The following PAK5 variants were observed in gnomAD, a reference collection of about 807,000 sequenced individuals.
PAK5 encodes p21 (RAC1) activated kinase 5.
PAK5 carries 16 observed loss-of-function variants against 65.9 expected under a neutral mutation model. That is an observed-to-expected ratio of 0.24 (90% CI 0.16 to 0.37). PAK5 has a LOEUF of 0.37. Ranked by LOEUF, PAK5 falls within the 10% of genes least tolerant of loss-of-function variation. The pLI, the probability that PAK5 is intolerant of heterozygous loss-of-function variation, is 1.00. For missense variants in PAK5, 785 were observed against 903.9 expected (o/e 0.87, Z 1.69); for synonymous variants, 371 against 354.9 (o/e 1.05, Z -0.51).
chr20:9,646,912 C>G (rs1488203936), intron 2 of PAK5, among the ~76,000 whole-genome samples: 2 of 152,204 alleles, frequency 1.3e-5, no homozygotes, highest in African/African-American at 4.8e-5. Context: ...CAGCAGCTAT[C>G]CACATGAGTG....
intron 1 of PAK5, among the ~76,000 whole-genome samples, chr20:9,742,562 G>A (rs535421754): frequency 6.6e-6 from 1 of 152,228 alleles, no homozygotes; most frequent in South Asian, 2.1e-4. Context: ...TGTTCAAACT[G>A]CAGACATTCC....
At chr20:9,717,276 C>T (rs532388747) in intron 1 of PAK5, among the ~76,000 whole-genome samples, 1 of 152,110 alleles carries the variant, frequency 6.6e-6, no homozygotes, top group Non-Finnish European at 1.5e-5. Context: ...CTGGCTCCAC[C>T]TTTTACTAGC....
At chr20:9,652,047 G>A (rs1348870108) in intron 2 of PAK5, among the ~76,000 whole-genome samples, 14 of 152,298 alleles carry the variant, frequency 9.2e-5, no homozygotes, top group African/African-American at 1.9e-4. Flanking sequence ...ACTCCCTCAC[G>A]AAGAGAGATT....
At chr20:9,672,355 T>G (rs1315983440) in intron 2 of PAK5, among the ~76,000 whole-genome samples, 1 of 148,726 alleles carries the variant, frequency 6.7e-6, no homozygotes, top group African/African-American at 2.5e-5. Context: ...CTCAGTGATA[T>G]AGTTTGGCTG....
chr20:9,816,162 C>T (rs1313289995), intron 1 of PAK5, among the ~76,000 whole-genome samples: 1 of 152,038 alleles, frequency 6.6e-6, no homozygotes. Context: ...CAGTTTTGTC[C>T]TCTGAAATAT....
chr20:9,573,885 T>C (rs190454781), intron 4 of PAK5, among the ~76,000 whole-genome samples: 3 of 152,220 alleles, frequency 2.0e-5, no homozygotes, highest in Admixed American at 2.0e-4. Context: ...CCAATACACC[T>C]TTTCAGAGCA....
chr20:9,715,615 T>C (rs1384052475), intron 1 of PAK5, among the ~76,000 whole-genome samples: 2 of 152,008 alleles, frequency 1.3e-5, no homozygotes, highest in African/African-American at 4.8e-5. Context: ...ATTGCGGCAC[T>C]ATTCACAATA....
intron 1 of PAK5, among the ~76,000 whole-genome samples, chr20:9,762,217 A>G (rs1415109495): frequency 2.6e-5 from 4 of 152,166 alleles, no homozygotes; most frequent in Non-Finnish European, 5.9e-5. Flanking sequence ...AAATTTTTGG[A>G]TATAGCACCC....
intron 2 of PAK5, among the ~76,000 whole-genome samples, chr20:9,708,369 T>C (rs767767566): frequency 3.9e-5 from 6 of 152,254 alleles, no homozygotes; most frequent in East Asian, 1.9e-4. Context: ...TTCTGCAAGA[T>C]TGTGGTGATT....
intron 5 of PAK5, 110 bp downstream of exon 5, chr20:9,565,783 T>G (rs2045665372): frequency 1.1e-5 from 13 of 1,155,352 alleles, no homozygotes; most frequent in Non-Finnish European, 1.6e-5. Context: ...ATTTTTGTCT[T>G]TATATTTTCA....
chr20:9,605,133 A>G lies in PAK5; in HGVS notation c.205-24203T>C, dbSNP rs180810745. 3.3e-5 allele frequency among the ~76,000 whole-genome samples: 5 copies of G among 152,360 alleles called. No individual in the cohort carries two copies. The East Asian group carries it at 9.6e-4, about 29-fold the overall frequency. On this transcript the variant is annotated intron_variant, in intron 3 of 9. Coordinates refer to ENST00000353224, the MANE Select transcript of PAK5 (RefSeq NM_177990.4). ...GTGGGCAACTGGGCCTCTGTGCTGC[A>G]GCAGATGCCCTGCAGAGCCATGTCA...
intron 1 of PAK5, among the ~76,000 whole-genome samples, chr20:9,762,318 A>G (rs575548938): frequency 2.0e-5 from 3 of 152,320 alleles, no homozygotes; most frequent in Admixed American, 1.3e-4. Context: ...TAACAAAATG[A>G]AAAGACAACC....
At chr20:9,808,332 T>C (rs572861333) in intron 1 of PAK5, among the ~76,000 whole-genome samples, 8 of 152,310 alleles carry the variant, frequency 5.3e-5, no homozygotes, top group African/African-American at 1.9e-4. Flanking sequence ...GTGGCTTCTT[T>C]GAAAACAGTT....
intron 2 of PAK5, among the ~76,000 whole-genome samples, chr20:9,672,732 G>A (rs530941521): frequency 6.6e-6 from 1 of 152,024 alleles, no homozygotes; most frequent in African/African-American, 2.4e-5. Flanking sequence ...ATCCTAAAAA[G>A]CAAAAAGTTG....
Position 9,565,950 on chromosome 20 carries a change from A to C in PAK5, c.1425T>G (p.Val475=), listed in dbSNP as rs746059908. ...TCCGGAGGTCCATTTTCTTCACTGC[A>C]ACTTGTTTCCCTGTGTGTTTCTCGG... ...IATEKHTGKQ[V]AVKKMDLRKQ... Residue 475 remains valine, a synonymous_variant, in exon 5 of 10, where the codon GTT becomes GTG. Transcript: ENST00000353224. 3 of 1,613,214 alleles carry C rather than the reference A, an allele frequency of 1.9e-6. No individual in the cohort carries two copies. In the Admixed American group the frequency reaches 5.0e-5, roughly 27 times the overall value.
At chr20:9,753,037 A>G (rs576837841) in intron 1 of PAK5, among the ~76,000 whole-genome samples, 2 of 152,232 alleles carry the variant, frequency 1.3e-5, no homozygotes, top group African/African-American at 4.8e-5. Context: ...CAGCCATCCT[A>G]GAAGAGGGCA....
intron 4 of PAK5, 69 bp from the exon 5 acceptor site, chr20:9,566,453 G>C (rs2045683263): frequency 1.4e-6 from 2 of 1,437,632 alleles, no homozygotes; most frequent in East Asian, 4.6e-5. Context: ...AGTGGTGAGT[G>C]AGCTGACTGA....
chr20:9,760,423 A>C (rs2048685251), intron 1 of PAK5, among the ~76,000 whole-genome samples: 1 of 152,082 alleles, frequency 6.6e-6, no homozygotes, highest in Non-Finnish European at 1.5e-5. Context: ...AAACTGTCTG[A>C]TACAAATCTT....
intron 1 of PAK5, among the ~76,000 whole-genome samples, chr20:9,807,434 C>A (rs1304585960): frequency 1.3e-5 from 2 of 152,020 alleles, no homozygotes; most frequent in Admixed American, 1.3e-4. Flanking sequence ...AGCATAAATA[C>A]CTTTGAGAAA....
Sources: gnomAD v4.1 joint callset for allele counts (sites outside exome capture counted in the v4.1 genomes callset) on GRCh38, gnomAD v4.1.1 for gene constraint, MANE v1.5 for transcripts, NCBI Gene and HGNC (gene_info 2026-07-23, HGNC 2026-07-21) for gene names.